The following LIN28B variants were observed in gnomAD, a reference collection of about 807,000 sequenced individuals.
LIN28B encodes the protein lin-28 RNA binding posttranscriptional regulator B.
LIN28B carries 5 observed loss-of-function variants against 21.9 expected under a neutral mutation model. That is an observed-to-expected ratio of 0.23 (90% CI 0.12 to 0.48). The LOEUF (loss-of-function observed/expected upper bound fraction) is 0.48, where lower values mean the gene tolerates loss of function less well. LIN28B is among the 20% of genes least tolerant of loss of function. The pLI is 0.98. For synonymous variants in LIN28B, 109 were observed against 111.3 expected, an observed-to-expected ratio of 0.98 and a Z score of 0.13; for missense variants, 245 against 310.5, an observed-to-expected ratio of 0.79 and a Z score of 1.58.
chr6:104,942,108 C>T, intron 2 of LIN28B, among the ~76,000 whole-genome samples: 1 of 152,140 alleles, frequency 6.6e-6, no homozygotes, highest in Admixed American at 6.5e-5. Flanking sequence ...GAACTAAATT[C>T]TCCACTGTAG....
At chr6:104,939,246 T>G (rs1006200753) in intron 2 of LIN28B, 4 of 152,262 alleles carry the variant, frequency 2.6e-5, no homozygotes, top group African/African-American at 9.6e-5. Context: ...TGTAAATTGA[T>G]ACAATGATTA....
chr6:105,052,941 G>T (rs1771936830), intron 3 of LIN28B, among the ~76,000 whole-genome samples: 1 of 151,264 alleles, frequency 6.6e-6, no homozygotes, highest in Admixed American at 6.6e-5. Flanking sequence ...TTCTCTTTTT[G>T]TGGCTTCTTT....
At chr6:105,007,211 T>C (rs183634903) in intron 2 of LIN28B, among the ~76,000 whole-genome samples, 13 of 152,340 alleles carry the variant, frequency 8.5e-5, no homozygotes, top group African/African-American at 3.1e-4. Flanking sequence ...TCCCCAGTAG[T>C]AGTTTAAGAT....
At position 105,082,261 on chromosome 6, in the gene LIN28B, A is replaced by T. The variant is rs868274156; in HGVS notation, c.*3478A>T. On this transcript the variant is annotated 3_prime_UTR_variant, in exon 4 of 4. Coordinates refer to ENST00000345080, the MANE Select transcript of LIN28B (RefSeq NM_001004317.4). ...AAAAAAGATCAAGAAATGTCATGTTATTAGCATCAGTCCACCTCCAATATT... is the reference window on the plus strand; with the variant it reads ...AAAAAAGATCAAGAAATGTCATGTTTTTAGCATCAGTCCACCTCCAATATT... The T allele has an allele frequency of 6.6e-6, 1 of 152,656 alleles. No homozygotes were observed. The highest frequency in any genetic ancestry group is 2.1e-4 in the South Asian group (1 of 4,820). The allele number at this position is 152,656 out of a possible 1,614,324, so 9.5% of individuals were successfully genotyped here.
In LIN28B at chr6:104,988,029, C is replaced by T. The variant is rs1308194963; in HGVS notation, c.198+29743C>T. Among the ~76,000 whole-genome samples the T allele has an allele frequency of 2.0e-5, 3 of 152,206 alleles. No individual in the cohort carries two copies. In the East Asian group the frequency reaches 5.8e-4, roughly 29 times the overall value. ...AAAGTGCTGGGATTACAGGCATGAGCCACTGTTCCCGGCCATCAATATTCT... is the reference window on the plus strand; with the variant it reads ...AAAGTGCTGGGATTACAGGCATGAGTCACTGTTCCCGGCCATCAATATTCT... On this transcript the variant is annotated intron_variant, in intron 2 of 3. Transcript: ENST00000345080.
intron 3 of LIN28B, among the ~76,000 whole-genome samples, chr6:105,043,772 G>A (rs1771690570): frequency 1.3e-5 from 2 of 151,728 alleles, no homozygotes; most frequent in Non-Finnish European, 2.9e-5. Flanking sequence ...GTAGAGATGG[G>A]GTTTCACTAG....
At chr6:105,039,743 A>G (rs912974823) in intron 3 of LIN28B, among the ~76,000 whole-genome samples, 1 of 152,012 alleles carries the variant, frequency 6.6e-6, no homozygotes, top group East Asian at 1.9e-4. Context: ...ACCTTATGCT[A>G]TTTATTTTTA....
At chr6:105,048,050 A>G (rs1771807677) in intron 3 of LIN28B, among the ~76,000 whole-genome samples, 1 of 152,166 alleles carries the variant, frequency 6.6e-6, no homozygotes, top group Non-Finnish European at 1.5e-5. Flanking sequence ...AACTTCCAAC[A>G]CTGTGTTGAA....
rs542656098 is a variant in LIN28B at position 104,957,296 on chromosome 6, C to T, written c.10+36C>T. 3 of 1,512,048 alleles carry T rather than the reference C, an allele frequency of 2.0e-6. No individual in the cohort carries two copies. The Admixed American group carries it at 5.1e-5, about 26-fold the overall frequency. The allele number at this position is 1,512,048 out of a possible 1,614,324, so 93.7% of individuals were successfully genotyped here. On this transcript the variant is annotated intron_variant, in intron 1 of 3. Transcript: ENST00000345080. The stretch of plus-strand genomic sequence containing the variant: ...TTTTCTATTGTTTTACTGTGAATTT[C>T]TTTCTTCTTTTCTCCTCCCCCTCCC...
chr6:104,986,753 C>T (rs932023643), intron 2 of LIN28B, among the ~76,000 whole-genome samples: 1 of 152,184 alleles, frequency 6.6e-6, no homozygotes, highest in Non-Finnish European at 1.5e-5. Context: ...ATGTAATTCT[C>T]TGCAAGCCTG....
rs547095553 is a variant in LIN28B at position 104,997,276 on chromosome 6, G to A, written c.199-29022G>A. On this transcript the variant is annotated intron_variant, in intron 2 of 3. Transcript: ENST00000345080. ...AGCCTGCGCGACAGAACGAGACTCC[G>A]TCTCAAAAAAAAAAAAAAAGAAAAG... Among the ~76,000 whole-genome samples, 556 of 136,370 alleles carry A rather than the reference G, an allele frequency of 4.1e-3. 3 individuals are homozygous for A. Among genetic ancestry groups the A allele is most frequent in the Non-Finnish European group, 6.9e-3 (444 of 64,808 alleles). The allele number at this position is 136,370 out of a possible 152,430, so 89.5% of individuals were successfully genotyped here.
chr6:104,957,331 C>T, intron 1 of LIN28B, 71 bp downstream of exon 1: 2 of 1,024,704 alleles, frequency 2.0e-6, no homozygotes, highest in Non-Finnish European at 2.7e-6. Context: ...CCCTCTCCCA[C>T]CCTTCTTAGA....
chr6:105,082,853 A>G lies in LIN28B; in HGVS notation c.*4070A>G, dbSNP rs1206660476. 1.3e-5 allele frequency: 2 copies of G among 152,686 alleles called. No homozygotes were observed. The highest frequency in any genetic ancestry group is 2.9e-5 in the Non-Finnish European group (2 of 68,046). 9.5% of individuals were successfully genotyped at this position (152,686 alleles called of 1,614,324 possible). A position where few individuals can be genotyped will look rare whatever the true frequency, so the allele number is the denominator to read the frequency against. On this transcript the variant is annotated 3_prime_UTR_variant, in exon 4 of 4. Coordinates refer to ENST00000345080, the MANE Select transcript of LIN28B (RefSeq NM_001004317.4). ...TGGCTTAACACTTGTGAGAGTTACC[A>G]GCTTGAAAATGATGGTGTTGACTAC...
chr6:104,943,682 CAGAT>C (rs1158346677), intron 2 of LIN28B, among the ~76,000 whole-genome samples: 2 of 152,078 alleles, frequency 1.3e-5, no homozygotes, highest in African/African-American at 4.8e-5. Flanking sequence ...TTAAAATTCT[CAGAT>C]ACTCAGTTTT....
intron 1 of LIN28B, 41 bp from the exon 2 acceptor site, chr6:104,958,058 A>C (rs771021356): frequency 1.5e-6 from 2 of 1,352,584 alleles, no homozygotes; most frequent in South Asian, 2.1e-5. Context: ...TGCACATTGA[A>C]TGGGAATACA....
Position 104,958,302 on chromosome 6 carries a change from T to C in LIN28B, c.198+16T>C, listed in dbSNP as rs756946657. 3.3e-5 allele frequency: 51 copies of C among 1,543,072 alleles called. No individual in the cohort carries two copies. The highest frequency in any genetic ancestry group is 4.4e-5 in the Non-Finnish European group (50 of 1,131,326). Reference sequence around the variant, plus strand: ...TGTACACCAAGTAAGCCAAACTTTTTTGTCCCCCTCTTCATCTTTTTCCAT... The same window carrying C: ...TGTACACCAAGTAAGCCAAACTTTTCTGTCCCCCTCTTCATCTTTTTCCAT... On this transcript the variant is annotated intron_variant, in intron 2 of 3. Transcript: ENST00000345080.
chr6:104,962,428 G>A (rs1485162291), intron 2 of LIN28B, among the ~76,000 whole-genome samples: 1 of 151,752 alleles, frequency 6.6e-6, no homozygotes, highest in Non-Finnish European at 1.5e-5. Flanking sequence ...TGATCTTTAT[G>A]GATAATTCAA....
At chr6:105,043,488 A>G (rs1435080279) in intron 3 of LIN28B, among the ~76,000 whole-genome samples, 1 of 151,636 alleles carries the variant, frequency 6.6e-6, no homozygotes, top group Admixed American at 6.6e-5. Flanking sequence ...TCCTATTCAA[A>G]ATGAAATCTT....
chr6:104,984,964 A>G (rs1319412603), intron 2 of LIN28B, among the ~76,000 whole-genome samples: 2 of 152,178 alleles, frequency 1.3e-5, no homozygotes, highest in Non-Finnish European at 2.9e-5. Context: ...TTACTTTCCT[A>G]GGTGTCTAGA....
Sources: gnomAD v4.1 joint callset for allele counts (sites outside exome capture counted in the v4.1 genomes callset) on GRCh38, gnomAD v4.1.1 for gene constraint, MANE v1.5 for transcripts, NCBI Gene and HGNC (gene_info 2026-07-23, HGNC 2026-07-21) for gene names.